Variants in ABCA13 observed in about 807,000 individuals in gnomAD.
ABCA13 encodes ATP-binding cassette sub-family A member 13.
ABCA13 carries 476 observed loss-of-function variants against 478.7 expected under a neutral mutation model. The ratio of observed to expected loss-of-function variants is 0.99; its 90% CI spans 0.92 to 1.07. The LOEUF is 1.07. Ranked by LOEUF, ABCA13 falls within the 50% of genes least tolerant of loss-of-function variation. The pLI, the probability that ABCA13 is intolerant of heterozygous loss-of-function variation, is 0.00. For missense variants in ABCA13, 6,060 were observed against 5,910.6 expected (o/e 1.03, Z -0.83); for synonymous variants, 2,252 against 2,158.9 (o/e 1.04, Z -1.20).
rs144928321 is a variant in ABCA13 at position 48,634,700 on chromosome 7, A to T, written c.14838-8588A>T. Among the ~76,000 whole-genome samples the T allele has an allele frequency of 1.3e-3, 196 of 151,728 alleles. 2 individuals carry two copies. Among genetic ancestry groups the T allele is most frequent in the African/African-American group, 4.7e-3 (193 of 41,360 alleles). ...AGGTTTAGTTTGCTTTTCTTTTTCC[A>T]GTTTCTTAAGGTATACAGTTGAGTA... is the stretch of plus-strand genomic sequence containing the variant. On this transcript the variant is annotated intron_variant, in intron 59 of 61. Transcript: ENST00000435803.
chr7:48,627,967 A>G (rs1041020596), intron 59 of ABCA13, among the ~76,000 whole-genome samples: 16 of 152,134 alleles, frequency 1.1e-4, no homozygotes, highest in Admixed American at 1.0e-3. Context: ...AGTCTCCATG[A>G]CCCAAACACT....
intron 59 of ABCA13, among the ~76,000 whole-genome samples, chr7:48,637,863 A>C (rs1165063333): frequency 3.3e-5 from 5 of 152,236 alleles, no homozygotes; most frequent in Non-Finnish European, 1.5e-5. Context: ...CAAGGAATTT[A>C]ATTCACTCAT....
rs1456496874 is a variant in ABCA13, at chr7:48,279,914, A to C, written c.8720A>C (p.Asp2907Ala). The C allele has an allele frequency of 1.3e-6, 2 of 1,509,302 alleles. No homozygotes were observed. Among genetic ancestry groups the C allele is most frequent in the Admixed American group, 2.4e-5 (1 of 42,458 alleles). The allele number at this position is 1,509,302 out of a possible 1,614,324, so 93.5% of individuals were successfully genotyped here. ...TACTGGCAACAAATCCCACTAACAG[A>C]TCAAAGGTAATTAAAAAGCTGAATT... ...TKYWQQIPLT[D>A]QSVVEICEVF... is the part of the protein sequence containing the mutation. The change falls in exon 18 of 62, where the codon GAT becomes GCT. Residue 2907 changes from aspartate (D) to alanine (A), a missense_variant. By Grantham distance (126) the Asp-to-Ala change is moderately radical. Around this residue, in one of 3 missense-constraint regions of ABCA13, gnomAD observed 4,423 missense variants for 4,309.1 expected, o/e 1.03. Transcript: ENST00000435803.
intron 20 of ABCA13, among the ~76,000 whole-genome samples, chr7:48,293,204 C>CCCCCCCCAA (rs1554419805): frequency 1.5e-5 from 2 of 131,446 alleles, no homozygotes; most frequent in Non-Finnish European, 3.3e-5. Flanking sequence ...CCCCCCCCCG[C>CCCCCCCCAA]CACACACACA....
chr7:48,246,652 A>C (rs1261106068), intron 13 of ABCA13, among the ~76,000 whole-genome samples: 2 of 152,180 alleles, frequency 1.3e-5, no homozygotes, highest in Non-Finnish European at 2.9e-5. Context: ...TGAAATAATG[A>C]AACTAGTGAA....
At chr7:48,422,055 C>CAAAAAAAAAAAAAAAA (rs4022355) in intron 41 of ABCA13, among the ~76,000 whole-genome samples, 20 of 80,580 alleles carry the variant, frequency 2.5e-4, no homozygotes, top group Non-Finnish European at 3.6e-4. Context: ...GTCTTTCTTA[C>CAAAAAAAAAAAAAAAA]AAAAAAAAAA....
intron 24 of ABCA13, among the ~76,000 whole-genome samples, chr7:48,312,701 G>A (rs1396037195): frequency 1.3e-5 from 2 of 152,190 alleles, no homozygotes. Context: ...CTGTAAAGCA[G>A]TAGATAAATG....
intron 39 of ABCA13, chr7:48,404,302 G>T: frequency 4.2e-6 from 1 of 238,118 alleles, no homozygotes; most frequent in African/African-American, 2.3e-5. Flanking sequence ...AACTGAGGGT[G>T]GATGTTGAAC....
intron 58 of ABCA13, among the ~76,000 whole-genome samples, chr7:48,608,071 G>C (rs923786283): frequency 6.6e-6 from 1 of 151,822 alleles, no homozygotes; most frequent in African/African-American, 2.4e-5. Flanking sequence ...AGTAGAGACA[G>C]GGTTTCACCA....
At chr7:48,371,405 A>G (rs1812610538) in intron 32 of ABCA13, among the ~76,000 whole-genome samples, 1 of 152,132 alleles carries the variant, frequency 6.6e-6, no homozygotes, top group Non-Finnish European at 1.5e-5. Flanking sequence ...GATTCTTCCT[A>G]TCCATGACCA....
intron 27 of ABCA13, among the ~76,000 whole-genome samples, chr7:48,323,193 G>A (rs905265681): frequency 6.6e-5 from 10 of 152,272 alleles, no homozygotes; most frequent in South Asian, 2.1e-4. Flanking sequence ...ACTTACAGGC[G>A]TACTTGTTTA....
At position 48,227,400 on chromosome 7, in the gene ABCA13, G is replaced by A. The variant is rs1788382196; in HGVS notation, c.607G>A (p.Val203Met). The change falls in exon 6 of 62, where the codon GTG becomes ATG. Residue 203 changes from valine to methionine, a missense_variant. Val to Met is a conservative substitution (Grantham distance 21). Transcript: ENST00000435803. The stretch of plus-strand genomic sequence containing the variant: ...TGTGGAAGATGGCATGGATGTTGCA[G>A]TGAACCTTCTCCAGACCATTTTGAA... Reference protein sequence around the residue: ...DHVEDGMDVAVNLLQTILNSL... With the variant: ...DHVEDGMDVAMNLLQTILNSL... 6.2e-7 allele frequency: 1 copy of A among 1,613,970 alleles called. No individual in the cohort carries two copies. The highest frequency in any genetic ancestry group is 1.3e-5 in the African/African-American group (1 of 75,036).
intron 43 of ABCA13, among the ~76,000 whole-genome samples, chr7:48,465,092 G>T (rs529626662): frequency 6.6e-6 from 1 of 152,306 alleles, no homozygotes; most frequent in South Asian, 2.1e-4. Context: ...AGGCTGGGCT[G>T]GGTGCCGTGC....
At chr7:48,251,000 T>C (rs2128695968) in intron 15 of ABCA13, among the ~76,000 whole-genome samples, 1 of 152,326 alleles carries the variant, frequency 6.6e-6, no homozygotes, top group African/African-American at 2.4e-5. Context: ...CATGCTGTTT[T>C]TTAAACTGCT....
chr7:48,630,044 G>A (rs183958282), intron 59 of ABCA13, among the ~76,000 whole-genome samples: 1 of 152,130 alleles, frequency 6.6e-6, no homozygotes, highest in Non-Finnish European at 1.5e-5. Context: ...TTTTAGGAGA[G>A]TTTCCTAGAT....
intron 29 of ABCA13, among the ~76,000 whole-genome samples, chr7:48,339,568 G>A (rs1806795114): frequency 6.6e-6 from 1 of 152,136 alleles, no homozygotes. Context: ...TGTTCAACAT[G>A]TTGCTGCTTA....
intron 5 of ABCA13, among the ~76,000 whole-genome samples, chr7:48,226,936 G>A (rs2128982545): frequency 6.6e-6 from 1 of 152,148 alleles, no homozygotes; most frequent in South Asian, 2.1e-4. Context: ...CAGGATCTAT[G>A]TCACAGACTT....
intron 48 of ABCA13, among the ~76,000 whole-genome samples, chr7:48,496,627 C>T (rs1373301683): frequency 1.3e-5 from 2 of 151,916 alleles, no homozygotes; most frequent in African/African-American, 4.8e-5. Context: ...AGTAGGTTTG[C>T]TAATGAAAAA....
At chr7:48,545,552 A>T (rs1043016380) in intron 55 of ABCA13, among the ~76,000 whole-genome samples, 2 of 151,814 alleles carry the variant, frequency 1.3e-5, no homozygotes, top group African/African-American at 2.4e-5. Context: ...CTCACAGCTC[A>T]TATATCATTT....
Sources: gnomAD v4.1 joint callset for allele counts (sites outside exome capture counted in the v4.1 genomes callset) on GRCh38, gnomAD v4.1.1 for gene constraint, gnomAD v4.1.1 regional missense constraint, MANE v1.5 for transcripts, NCBI Gene and HGNC (gene_info 2026-07-23, HGNC 2026-07-21) for gene names.